The following DSCAM variants were observed in gnomAD, a reference collection of about 807,000 sequenced individuals.
The protein encoded by DSCAM is DS cell adhesion molecule, also known as cell adhesion molecule DSCAM.
In DSCAM, 47 loss-of-function variants were observed where a neutral mutation model predicts 217.7. The observed-to-expected ratio is 0.22, with a 90% CI of 0.17 to 0.28. The LOEUF is 0.28. Among genes scored for constraint, DSCAM ranks in the 10% least tolerant of loss-of-function variants. DSCAM has a pLI of 1.00. For synonymous variants in DSCAM, 1,056 were observed against 1,015.3 expected, an observed-to-expected ratio of 1.04 and a Z score of -0.76; for missense variants, 2,080 against 2,618.3, an observed-to-expected ratio of 0.79 and a Z score of 4.49.
chr21:40,021,222 A>AAAAAG (rs1568892707), intron 32 of DSCAM, among the ~76,000 whole-genome samples: 3 of 151,650 alleles, frequency 2.0e-5, no homozygotes, highest in Admixed American at 6.6e-5. Flanking sequence ...AAAAAAAAAA[A>AAAAAG]AAAAGAAAAG....
chr21:40,365,942 C>CTT (rs147039472), intron 4 of DSCAM, among the ~76,000 whole-genome samples: 1 of 151,330 alleles, frequency 6.6e-6, no homozygotes, highest in Admixed American at 6.6e-5. Context: ...ATTTTACTGA[C>CTT]TTTTTTTTTA....
At chr21:40,066,479 T>C (rs2089209103) in intron 27 of DSCAM, among the ~76,000 whole-genome samples, 1 of 152,234 alleles carries the variant, frequency 6.6e-6, no homozygotes, top group Non-Finnish European at 1.5e-5. Context: ...TGGGAATCTC[T>C]TCTTTGAAAG....
chr21:40,187,238 A>G lies in DSCAM; in HGVS notation c.2672T>C (p.Ile891Thr). 1.2e-6 allele frequency: 2 copies of G among 1,614,006 alleles called. No homozygotes were observed. The highest frequency in any genetic ancestry group is 8.5e-7 in the Non-Finnish European group (1 of 1,179,922). The change falls in exon 14 of 33, where the codon ATT (isoleucine) becomes ACT (threonine). Residue 891 changes from isoleucine to threonine, a missense_variant. Around this residue, in one of 5 missense-constraint regions of DSCAM, gnomAD observed 1,144 missense variants for 1,421.1 expected, o/e 0.81. Transcript: ENST00000400454. ...TVQEPPDPPE[I>T]EIKDVKARTI... is the part of the protein sequence containing the mutation. ...GCGTGCTTTGACATCTTTGATCTCA[A>G]TTTCGGGAGGGTCTGGGGGCTCTGT...
At chr21:40,793,460 C>T (rs1218154518) in intron 1 of DSCAM, among the ~76,000 whole-genome samples, 1 of 151,940 alleles carries the variant, frequency 6.6e-6, no homozygotes, top group Non-Finnish European at 1.5e-5. Flanking sequence ...TTTTTAGGTA[C>T]AAAAAATATG....
chr21:40,276,980 A>G (rs942119911), intron 10 of DSCAM, among the ~76,000 whole-genome samples: 6 of 152,142 alleles, frequency 3.9e-5, no homozygotes, highest in African/African-American at 1.4e-4. Context: ...GGTAAAAAAA[A>G]AAAGGATTTT....
chr21:40,752,553 G>A (rs1181022791), intron 1 of DSCAM, among the ~76,000 whole-genome samples: 1 of 152,116 alleles, frequency 6.6e-6, no homozygotes, highest in Non-Finnish European at 1.5e-5. Context: ...TGGGTGCAGG[G>A]ACTTGTGTTT....
At chr21:40,451,338 C>G (rs1190167195) in intron 3 of DSCAM, among the ~76,000 whole-genome samples, 1 of 152,138 alleles carries the variant, frequency 6.6e-6, no homozygotes, top group African/African-American at 2.4e-5. Context: ...GACATCCCTT[C>G]TTTTTGAATG....
intron 3 of DSCAM, among the ~76,000 whole-genome samples, chr21:40,577,241 TAA>T (rs67100943): frequency 0.053 from 7,507 of 141,604 alleles, 511 homozygotes; most frequent in African/African-American, 0.16. Flanking sequence ...AAAGCTTTAT[TAA>T]AAAAAAAAAA....
intron 1 of DSCAM, among the ~76,000 whole-genome samples, chr21:40,711,620 A>G (rs1052901984): frequency 2.4e-4 from 36 of 152,164 alleles, no homozygotes; most frequent in African/African-American, 8.2e-4. Context: ...GCCCCAAAGC[A>G]GCTGGAAAGA....
chr21:40,823,006 C>T (rs562775702), intron 1 of DSCAM, among the ~76,000 whole-genome samples: 223 of 152,022 alleles, frequency 1.5e-3, no homozygotes, highest in Non-Finnish European at 2.4e-3. Flanking sequence ...AAAAATTAGC[C>T]GGGCTTGGTG....
At chr21:40,030,659 T>TACTGCTG (rs937869703) in intron 32 of DSCAM, among the ~76,000 whole-genome samples, 6 of 152,220 alleles carry the variant, frequency 3.9e-5, no homozygotes, top group African/African-American at 1.4e-4. Context: ...AGCCTCCACA[T>TACTGCTG]ACTGCTGTTC....
chr21:40,309,411 G>A (rs537307538), intron 9 of DSCAM, among the ~76,000 whole-genome samples: 1 of 152,176 alleles, frequency 6.6e-6, no homozygotes, highest in African/African-American at 2.4e-5. Flanking sequence ...ATTTATTTCT[G>A]ATTTTGCTTC....
chr21:40,411,267 G>A (rs983173439), intron 3 of DSCAM, among the ~76,000 whole-genome samples: 6 of 151,208 alleles, frequency 4.0e-5, no homozygotes, highest in East Asian at 1.9e-4. Flanking sequence ...AACAACAAAA[G>A]AGGGGCAGAA....
chr21:40,543,481 C>A (rs2076557438), intron 3 of DSCAM, among the ~76,000 whole-genome samples: 1 of 152,150 alleles, frequency 6.6e-6, no homozygotes, highest in Non-Finnish European at 1.5e-5. Context: ...AAGCGACCCT[C>A]TAGGGGAATG....
At chr21:40,355,330 A>C (rs893043450) in intron 4 of DSCAM, among the ~76,000 whole-genome samples, 4 of 152,224 alleles carry the variant, frequency 2.6e-5, no homozygotes, top group African/African-American at 7.2e-5. Context: ...TGGATTAAAA[A>C]GCAGCAGCTT....
chr21:40,448,152 G>A (rs937247513), intron 3 of DSCAM, among the ~76,000 whole-genome samples: 1 of 152,152 alleles, frequency 6.6e-6, no homozygotes, highest in African/African-American at 2.4e-5. Flanking sequence ...CCAGATAGCT[G>A]GTGAAACATT....
intron 19 of DSCAM, among the ~76,000 whole-genome samples, chr21:40,124,862 C>T (rs1481745368): frequency 1.3e-5 from 2 of 152,160 alleles, no homozygotes; most frequent in Non-Finnish European, 1.5e-5. Context: ...CAGTTCTAGT[C>T]CCTCTTGTCC....
intron 10 of DSCAM, among the ~76,000 whole-genome samples, chr21:40,276,978 A>G (rs192577454): frequency 1.3e-5 from 2 of 152,142 alleles, no homozygotes. Flanking sequence ...TGGGTAAAAA[A>G]AAAAAGGATT....
intron 3 of DSCAM, among the ~76,000 whole-genome samples, chr21:40,680,462 G>C (rs2090388317): frequency 6.6e-6 from 1 of 152,194 alleles, no homozygotes; most frequent in Admixed American, 6.5e-5. Context: ...AGGCTCCTCT[G>C]AGTGCAAACC....
Sources: gnomAD v4.1 joint callset for allele counts (sites outside exome capture counted in the v4.1 genomes callset) on GRCh38, gnomAD v4.1.1 for gene constraint, gnomAD v4.1.1 regional missense constraint, MANE v1.5 for transcripts, NCBI Gene and HGNC (gene_info 2026-07-23, HGNC 2026-07-21) for gene names.